ASPSCR1: variants seen among roughly 807,000 people sequenced by gnomAD.
ASPSCR1 encodes ASPSCR1 tether for SLC2A4, UBX domain containing, also known as tether containing UBX domain for GLUT4.
Under a neutral mutation model 68.9 loss-of-function variants are expected in ASPSCR1, and 55 were observed. The ratio of observed to expected loss-of-function variants is 0.80; its 90% CI spans 0.64 to 1.00. ASPSCR1 has a LOEUF of 1.00. Ranked by LOEUF, ASPSCR1 falls within the 50% of genes least tolerant of loss-of-function variation. ASPSCR1 has a pLI of 0.00. For missense variants in ASPSCR1, 765 were observed against 762.2 expected, an observed-to-expected ratio of 1.00 and a Z score of -0.04; for synonymous variants, 352 against 332.6, an observed-to-expected ratio of 1.06 and a Z score of -0.63.
At chr17:81,995,899 C>T in intron 5 of ASPSCR1, 93 bp from the exon 6 acceptor site, 2 of 1,259,698 alleles carry the variant, frequency 1.6e-6, no homozygotes, top group East Asian at 2.5e-5. Context: ...GGGCACGTGG[C>T]CTGTGGTCCT....
intron 12 of ASPSCR1, chr17:82,014,930 A>G: frequency 1.0e-6 from 1 of 1,003,744 alleles, no homozygotes; most frequent in Non-Finnish European, 1.4e-6. Context: ...TCTCCCTGTC[A>G]GCCGAGGGAG....
rs2042126109 is a variant in ASPSCR1, at chr17:81,990,509, C to T, written c.375-4312C>T. On this transcript the variant is annotated intron_variant, in intron 4 of 15. Transcript: ENST00000306739. This position sits in a 1 kb window ranked among gnomAD's most constrained non-coding sequence, Gnocchi z 4.1. ...TGTCTGAGTTTGGGATCTTCCACGC[C>T]GAGCTCTGGGGGACACTGCTCTCTG... is the stretch of plus-strand genomic sequence containing the variant. Among the ~76,000 whole-genome samples, 1 of 151,244 alleles carries T rather than the reference C, an allele frequency of 6.6e-6. No individual in the cohort carries two copies. The highest frequency in any genetic ancestry group is 2.4e-5 in the African/African-American group (1 of 41,104).
In ASPSCR1 at chr17:81,990,713, G is replaced by C. The variant is rs1460135723; in HGVS notation, c.375-4108G>C. Among the ~76,000 whole-genome samples, 1 of 152,198 alleles carries C rather than the reference G, an allele frequency of 6.6e-6. No homozygotes were observed. Among genetic ancestry groups the C allele is most frequent in the East Asian group, 1.9e-4 (1 of 5,194 alleles). On this transcript the variant is annotated intron_variant, in intron 4 of 15. Coordinates refer to ENST00000306739, the MANE Select transcript of ASPSCR1 (RefSeq NM_024083.4). The surrounding 1 kb of genome is among the most constrained non-coding windows in gnomAD (Gnocchi z 4.1). Reference sequence around the variant, plus strand: ...AGGATTTCATGGCCTACGGGCCCTGGGGGTACACGGCCCTCCTGGAGGCAC... The same window carrying C: ...AGGATTTCATGGCCTACGGGCCCTGCGGGTACACGGCCCTCCTGGAGGCAC...
chr17:82,012,311 C>CG, intron 12 of ASPSCR1, 28 bp downstream of exon 12: 1 of 1,608,422 alleles, frequency 6.2e-7, no homozygotes, highest in Non-Finnish European at 8.5e-7. Flanking sequence ...TGGGGTGCTG[C>CG]GGGGCGGGGC....
chr17:82,009,424 G>A, intron 8 of ASPSCR1, 62 bp from the exon 9 acceptor site: 1 of 1,495,910 alleles, frequency 6.7e-7, no homozygotes, highest in African/African-American at 1.4e-5. Flanking sequence ...GAGGAGCCCG[G>A]GGCCTGTTGC....
intron 4 of ASPSCR1, among the ~76,000 whole-genome samples, chr17:81,992,684 C>G (rs2144032679): frequency 6.6e-6 from 1 of 152,358 alleles, no homozygotes; most frequent in East Asian, 1.9e-4. Flanking sequence ...CTGCCTCTGT[C>G]CGGGTTCTGC....
At chr17:81,992,108 G>A (rs1216460321) in intron 4 of ASPSCR1, among the ~76,000 whole-genome samples, 3 of 152,250 alleles carry the variant, frequency 2.0e-5, no homozygotes, top group South Asian at 2.1e-4. Context: ...AGGCACCCGC[G>A]GAAGCGCCCC....
intron 7 of ASPSCR1, 112 bp downstream of exon 7, chr17:81,996,958 A>G: frequency 6.7e-7 from 1 of 1,502,678 alleles, no homozygotes; most frequent in South Asian, 1.4e-5. Context: ...GGGCAGAGGA[A>G]CCCAAACGCG....
chr17:82,011,631 C>T (rs1272898722), intron 11 of ASPSCR1, 26 bp downstream of exon 11: 24 of 1,603,588 alleles, frequency 1.5e-5, no homozygotes, highest in Non-Finnish European at 2.0e-5. Context: ...TGAGCCCACT[C>T]CTGCCTCCAG....
chr17:81,996,809 G>C lies in ASPSCR1; in HGVS notation c.896G>C (p.Arg299Pro), dbSNP rs984947339. 1 of 1,607,242 alleles carries C rather than the reference G, an allele frequency of 6.2e-7. No individual in the cohort carries two copies. Among genetic ancestry groups the C allele is most frequent in the East Asian group, 2.2e-5 (1 of 44,816 alleles). Residue 299 changes from arginine to proline, a missense_variant, in exon 7 of 16, where the codon CGG (arginine) becomes CCG (proline). Transcript: ENST00000306739. The stretch of plus-strand genomic sequence containing the variant: ...CCCCAGCAGGAGCAGGAGCAGGAGC[G>C]GGAGCGGGATCCCCAGCAGGAGCAG... ...QDPQQEQEQE[R>P]ERDPQQEQER...
chr17:81,992,012 C>T (rs942618942), intron 4 of ASPSCR1, among the ~76,000 whole-genome samples: 1 of 152,268 alleles, frequency 6.6e-6, no homozygotes, highest in African/African-American at 2.4e-5. Flanking sequence ...CCCTCCTGGC[C>T]GTCCCGCTGG....
chr17:82,016,415 C>G, intron 12 of ASPSCR1, 61 bp from the exon 13 acceptor site: 1 of 1,474,434 alleles, frequency 6.8e-7, no homozygotes, highest in Non-Finnish European at 9.2e-7. Flanking sequence ...GTGTAGCTGC[C>G]TTCACAGCAG....
At chr17:81,995,470 C>T (rs2042306518) in intron 5 of ASPSCR1, 1 of 241,446 alleles carries the variant, frequency 4.1e-6, no homozygotes, top group Admixed American at 5.1e-5. Context: ...CCCTCAGGGA[C>T]CCTTACACCC....
chr17:82,012,228 C>T lies in ASPSCR1; in HGVS notation c.1301-3C>T, dbSNP rs1454751413. 2 of 1,613,506 alleles carry T rather than the reference C, an allele frequency of 1.2e-6. No individual in the cohort carries two copies. Among genetic ancestry groups the T allele is most frequent in the East Asian group, 2.2e-5 (1 of 44,878 alleles). ...CTAACACGTAGGTGCCTTCTCTCCT[C>T]AGTCATCACCCCTCCAAAAACAGTC... On this transcript the variant is annotated splice_polypyrimidine_tract_variant and splice_region_variant and intron_variant, in intron 11 of 15. Coordinates refer to ENST00000306739, the MANE Select transcript of ASPSCR1 (RefSeq NM_024083.4).
chr17:82,002,003 C>CTTTTTT (rs71166183), intron 7 of ASPSCR1, among the ~76,000 whole-genome samples: 9 of 93,810 alleles, frequency 9.6e-5, no homozygotes, highest in South Asian at 3.4e-4. Flanking sequence ...TTTCTTTTTC[C>CTTTTTT]TTTTTTTTTT....
chr17:81,991,562 C>CCCGTCCCTGT (rs2042165444), intron 4 of ASPSCR1, among the ~76,000 whole-genome samples: 1 of 152,016 alleles, frequency 6.6e-6, no homozygotes, highest in South Asian at 2.1e-4. Flanking sequence ...TCCATCCCTG[C>CCCGTCCCTGT]CCGTCCCTGT....
chr17:81,998,653 G>A (rs1300793194), intron 7 of ASPSCR1, among the ~76,000 whole-genome samples: 4 of 152,220 alleles, frequency 2.6e-5, no homozygotes, highest in Admixed American at 6.5e-5. Context: ...GGAGATGACC[G>A]TATGCTTTAT....
At position 81,990,923 on chromosome 17, in the gene ASPSCR1, G is replaced by A. The variant is rs1033598408; in HGVS notation, c.375-3898G>A. Among the ~76,000 whole-genome samples the A allele has an allele frequency of 1.3e-5, 2 of 152,152 alleles. No homozygotes were observed. The highest frequency in any genetic ancestry group is 2.1e-4 in the South Asian group (1 of 4,828). On this transcript the variant is annotated intron_variant, in intron 4 of 15. Transcript: ENST00000306739. The surrounding 1 kb of genome is among the most constrained non-coding windows in gnomAD (Gnocchi z 4.1). ...GTCTGGGCAGTCCACGAGGGCAGGCGGGCGAGTCCCGTAGTTTGAATCCCA... is the reference window on the plus strand; with the variant it reads ...GTCTGGGCAGTCCACGAGGGCAGGCAGGCGAGTCCCGTAGTTTGAATCCCA...
intron 12 of ASPSCR1, chr17:82,015,270 C>T (rs766327377): frequency 1.4e-5 from 23 of 1,598,154 alleles, no homozygotes; most frequent in African/African-American, 8.0e-5. Flanking sequence ...CCCAGTCTGC[C>T]GACCCTCCTC....
Sources: gnomAD v4.1 joint callset for allele counts (sites outside exome capture counted in the v4.1 genomes callset) on GRCh38, gnomAD v4.1.1 for gene constraint, Gnocchi (gnomAD v3.1) non-coding constraint, MANE v1.5 for transcripts, NCBI Gene and HGNC (gene_info 2026-07-23, HGNC 2026-07-21) for gene names.